MED12L: variants seen among roughly 807,000 people sequenced by gnomAD.
MED12L encodes the protein mediator of RNA polymerase II transcription subunit 12-like protein.
In MED12L, 60 loss-of-function variants were observed where a neutral mutation model predicts 281.3. The ratio of observed to expected loss-of-function variants is 0.21; its 90% CI spans 0.17 to 0.26. The LOEUF (loss-of-function observed/expected upper bound fraction) is 0.26. MED12L is among the 10% of genes least tolerant of loss of function. The pLI is 1.00. For synonymous variants in MED12L, 974 were observed against 987.2 expected (o/e 0.99, Z 0.25); for missense variants, 2,146 against 2,680.9 (o/e 0.80, Z 4.41).
At chr3:151,289,227 C>CGGATG (rs1743936434) in intron 16 of MED12L, among the ~76,000 whole-genome samples, 1 of 152,106 alleles carries the variant, frequency 6.6e-6, no homozygotes, top group Non-Finnish European at 1.5e-5. Context: ...CTACAGGGAA[C>CGGATG]GGATGAGCTA....
intron 5 of MED12L, among the ~76,000 whole-genome samples, chr3:151,153,168 G>C (rs1479319505): frequency 6.6e-6 from 1 of 152,290 alleles, no homozygotes; most frequent in South Asian, 2.1e-4. Context: ...CTCTAAAATG[G>C]TAGGGTGGAC....
Position 151,105,002 on chromosome 3 carries a change from T to A in MED12L, c.100-11336T>A, listed in dbSNP as rs573276521. Among the ~76,000 whole-genome samples the A allele has an allele frequency of 3.5e-4, 54 of 152,330 alleles. No homozygotes were observed. In the South Asian group the frequency reaches 7.2e-3, roughly 20 times the overall value. ...CCACAGAAACCCTATTTCCAAAGAA[T>A]GTCCCATGCACAGGTACAGGGGTTA... On this transcript the variant is annotated intron_variant, in intron 2 of 44. Coordinates refer to ENST00000687756, the MANE Select transcript of MED12L (RefSeq NM_001393769.1).
chr3:151,158,833 T>A (rs370266023), intron 7 of MED12L, 34 bp downstream of exon 7: 2 of 1,378,366 alleles, frequency 1.5e-6, no homozygotes, highest in African/African-American at 2.9e-5. Flanking sequence ...CAGTTGGTTT[T>A]ATGGGCAAGA....
chr3:151,380,064 A>C, intron 31 of MED12L, 49 bp from the exon 32 acceptor site: 4 of 1,113,716 alleles, frequency 3.6e-6, no homozygotes, highest in Non-Finnish European at 5.2e-6. Flanking sequence ...CAGAGGAAGT[A>C]ATGCATTATT....
rs1719745055 is a variant in MED12L at position 151,433,368 on chromosome 3, T to A, written c.*564T>A. The A allele has an allele frequency of 6.6e-6, 1 of 152,654 alleles. No individual in the cohort carries two copies. Among genetic ancestry groups the A allele is most frequent in the Admixed American group, 6.5e-5 (1 of 15,272 alleles). 9.5% of individuals were successfully genotyped at this position (152,654 alleles called of 1,614,324 possible). A position where few individuals can be genotyped will look rare whatever the true frequency, so the allele number is the denominator to read the frequency against. The stretch of plus-strand genomic sequence containing the variant: ...ATAAGCACTTTATAAACTTTGTTCT[T>A]ATTTATGTAGGACTCTTCTTTGCTT... On this transcript the variant is annotated 3_prime_UTR_variant, in exon 45 of 45. Transcript: ENST00000687756.
intron 16 of MED12L, among the ~76,000 whole-genome samples, chr3:151,197,074 A>G (rs1457324199): frequency 6.6e-6 from 1 of 152,192 alleles, no homozygotes; most frequent in Non-Finnish European, 1.5e-5. Flanking sequence ...AATGCTGTGT[A>G]TTCTTTCTGC....
At chr3:151,341,699 G>A (rs1751848872) in intron 16 of MED12L, among the ~76,000 whole-genome samples, 1 of 151,682 alleles carries the variant, frequency 6.6e-6, no homozygotes, top group Non-Finnish European at 1.5e-5. Flanking sequence ...TTAGCATTAG[G>A]TATATCTCCT....
At chr3:151,299,031 A>C (rs1372516357) in intron 16 of MED12L, among the ~76,000 whole-genome samples, 1 of 152,206 alleles carries the variant, frequency 6.6e-6, no homozygotes, top group Non-Finnish European at 1.5e-5. Flanking sequence ...ATGCTTTGCA[A>C]ACATTTTGAC....
intron 16 of MED12L, chr3:151,328,509 T>C (rs766160966): frequency 2.5e-6 from 4 of 1,613,952 alleles, no homozygotes; most frequent in Non-Finnish European, 3.4e-6. Context: ...GCTTCCTTGT[T>C]GCTCAAGATC....
At chr3:151,198,643 G>A in intron 16 of MED12L, 1 of 1,614,026 alleles carries the variant, frequency 6.2e-7, no homozygotes, top group Non-Finnish European at 8.5e-7. Context: ...CTGTCTGGCT[G>A]AGGGTATACG....
intron 16 of MED12L, chr3:151,198,385 G>A: frequency 7.4e-7 from 1 of 1,345,628 alleles, no homozygotes; most frequent in Non-Finnish European, 1.0e-6. Context: ...TAACTTTATG[G>A]TCCAGTAAGG....
chr3:151,293,008 T>C (rs1438056715), intron 16 of MED12L, among the ~76,000 whole-genome samples: 4 of 152,160 alleles, frequency 2.6e-5, no homozygotes, highest in African/African-American at 9.7e-5. Context: ...GTCCATTGCA[T>C]TTATAGAATT....
chr3:151,346,830 A>G (rs1752606769), intron 16 of MED12L, among the ~76,000 whole-genome samples: 2 of 152,070 alleles, frequency 1.3e-5, no homozygotes, highest in Admixed American at 6.6e-5. Flanking sequence ...TATCAAACCA[A>G]TTACTGGACA....
chr3:151,294,081 C>A, intron 16 of MED12L: 1 of 828,792 alleles, frequency 1.2e-6, no homozygotes. Flanking sequence ...TCTTTGAATT[C>A]ATATTTTTGA....
chr3:151,309,553 C>T (rs531704498), intron 16 of MED12L, among the ~76,000 whole-genome samples: 1 of 152,178 alleles, frequency 6.6e-6, no homozygotes, highest in Non-Finnish European at 1.5e-5. Flanking sequence ...CTGAAAATCC[C>T]TTCTGCCTCT....
At chr3:151,136,967 T>G (rs765252323) in intron 5 of MED12L, among the ~76,000 whole-genome samples, 5 of 151,862 alleles carry the variant, frequency 3.3e-5, no homozygotes, top group East Asian at 3.9e-4. Context: ...ATCAAGACCA[T>G]CCTGGCCAAC....
Position 151,134,334 on chromosome 3 carries a change from C to T in MED12L, c.556+6350C>T, listed in dbSNP as rs145006858. On this transcript the variant is annotated intron_variant, in intron 5 of 44. Transcript: ENST00000687756. ...TGCTGGGTTCTATGTATATTTTGTC[C>T]GTTTTATGACTTATTATTCAGATAG... Among the ~76,000 whole-genome samples, 126 of 152,142 alleles carry T rather than the reference C, an allele frequency of 8.3e-4. 1 individual carries two copies. The highest frequency in any genetic ancestry group is 2.8e-3 in the African/African-American group (115 of 41,512).
chr3:151,256,163 G>T (rs1737777656), intron 16 of MED12L, among the ~76,000 whole-genome samples: 1 of 152,172 alleles, frequency 6.6e-6, no homozygotes, highest in Non-Finnish European at 1.5e-5. Flanking sequence ...AGCCACTGTG[G>T]TTATAGGAAG....
chr3:151,115,255 A>ACATAAAACAGGTGTGTG (rs1338638618), intron 2 of MED12L, among the ~76,000 whole-genome samples: 2 of 150,316 alleles, frequency 1.3e-5, no homozygotes, highest in African/African-American at 4.9e-5. Flanking sequence ...GCTTTCTTAA[A>ACATAAAACAGGTGTGTG]CATAAAACAG....
Sources: allele counts gnomAD v4.1 joint callset (sites outside exome capture counted in the v4.1 genomes callset), GRCh38; gene constraint gnomAD v4.1.1; transcripts MANE v1.5; gene names NCBI Gene and HGNC (gene_info 2026-07-23, HGNC 2026-07-21).